The following C19orf18 variants were observed in gnomAD, a reference collection of about 807,000 sequenced individuals.
The protein encoded by C19orf18 is chromosome 19 open reading frame 18.
A neutral mutation model predicts 23.3 loss-of-function variants in C19orf18; 21 were observed. The observed-to-expected ratio is 0.90, with a 90% CI of 0.64 to 1.30. C19orf18 has a LOEUF of 1.30. C19orf18 is among the 50% of genes most tolerant of loss of function. The pLI is 0.00. For missense variants in C19orf18, 249 were observed against 259.6 expected (o/e 0.96, Z 0.28); for synonymous variants, 96 against 95.2 (o/e 1.01, Z -0.05).
chr19:57,968,260 C>A (rs999246216), intron 3 of C19orf18, among the ~76,000 whole-genome samples: 2 of 152,222 alleles, frequency 1.3e-5, no homozygotes, highest in Non-Finnish European at 2.9e-5. Context: ...GACCGCATCA[C>A]CTCCTAAAGG....
chr19:57,968,929 T>A (rs2072925680), intron 3 of C19orf18, among the ~76,000 whole-genome samples: 1 of 152,158 alleles, frequency 6.6e-6, no homozygotes, highest in South Asian at 2.1e-4. Context: ...TCTCCCTGCC[T>A]GCCCTAAATC....
intron 3 of C19orf18, among the ~76,000 whole-genome samples, chr19:57,968,712 G>C (rs983988649): frequency 2.6e-5 from 4 of 151,972 alleles, no homozygotes; most frequent in African/African-American, 9.7e-5. Flanking sequence ...GGAATTGCTG[G>C]GTGTATTTAT....
At position 57,974,207 on chromosome 19, in the gene C19orf18, G is replaced by C. The variant is rs746965760; in HGVS notation, c.122-4C>G. 5.0e-6 allele frequency: 8 copies of C among 1,613,604 alleles called. No individual in the cohort carries two copies. In the Admixed American group the frequency reaches 6.7e-5, roughly 13 times the overall value. On this transcript the variant is annotated splice_region_variant and splice_polypyrimidine_tract_variant and intron_variant, in intron 1 of 5. Coordinates refer to ENST00000314391, the MANE Select transcript of C19orf18 (RefSeq NM_152474.5). The stretch of plus-strand genomic sequence containing the variant: ...GGTGGTTGTGACCGTTTACTGCCTT[G>C]AAAAGAAAACTTTTTGCGGTGAAAT...
intron 3 of C19orf18, among the ~76,000 whole-genome samples, chr19:57,971,381 C>T (rs2072943547): frequency 6.6e-6 from 1 of 152,118 alleles, no homozygotes; most frequent in Non-Finnish European, 1.5e-5. Flanking sequence ...CCCAGACAAC[C>T]AGGGACATAC....
chr19:57,961,306 C>G, intron 5 of C19orf18, 85 bp downstream of exon 5: 1 of 1,309,002 alleles, frequency 7.6e-7, no homozygotes, highest in Non-Finnish European at 1.1e-6. Flanking sequence ...GAAATGCAAG[C>G]CACCGCTGAG....
intron 4 of C19orf18, among the ~76,000 whole-genome samples, 178 bp downstream of exon 4, chr19:57,966,352 A>G (rs186318442): frequency 2.0e-5 from 3 of 151,694 alleles, no homozygotes; most frequent in Admixed American, 2.0e-4. Flanking sequence ...TTTCATGTGT[A>G]TCATGCCTCA....
In C19orf18 at chr19:57,966,632, G is replaced by A; in HGVS notation, c.269C>T (p.Ala90Val). The stretch of plus-strand genomic sequence containing the variant: ...AAGAGCAGGTCTATGCCGAATTATT[G>A]CTAAAAAGAAAGAAAAGAAAAGAAG... ...TNPMKFLRNK[A>V]IIRHRPALVK... Residue 90 changes from alanine (A) to valine (V), a missense_variant and splice_region_variant, in exon 4 of 6, where the codon GCA becomes GTA. By Grantham distance (64) the Ala-to-Val change is moderately conservative. Coordinates refer to ENST00000314391, the MANE Select transcript of C19orf18 (RefSeq NM_152474.5). 1 of 1,600,468 alleles carries A rather than the reference G, an allele frequency of 6.2e-7. No individual in the cohort carries two copies.
chr19:57,960,380 C>G (rs899882924), intron 5 of C19orf18, among the ~76,000 whole-genome samples: 3 of 140,578 alleles, frequency 2.1e-5, no homozygotes, highest in Admixed American at 7.4e-5. Context: ...GAGCTGAGAT[C>G]ATGCCACTGC....
Position 57,972,409 on chromosome 19 carries a change from G to A in C19orf18, c.268+54C>T, listed in dbSNP as rs151312833. On this transcript the variant is annotated intron_variant, in intron 3 of 5. Transcript: ENST00000314391. ...AGCACCCTCTGGAGCCACACATCAC[G>A]ACAGCTTCAGGAATGTTGCGGGTCC... is the stretch of plus-strand genomic sequence containing the variant. 3.1e-5 allele frequency: 49 copies of A among 1,596,668 alleles called. No homozygotes were observed. The African/African-American group carries it at 3.2e-4, about 10-fold the overall frequency.
Position 57,972,446 on chromosome 19 carries a change from C to T in C19orf18, c.268+17G>A. The T allele has an allele frequency of 5.0e-6, 8 of 1,613,836 alleles. No individual in the cohort carries two copies. The highest frequency in any genetic ancestry group is 6.8e-6 in the Non-Finnish European group (8 of 1,179,798). ...AATGTTGCGGGTCCACCCGCCCTCC[C>T]AGATCCCTTGGCTTACCTTTATTCC... On this transcript the variant is annotated intron_variant, in intron 3 of 5. Transcript: ENST00000314391.
Position 57,961,481 on chromosome 19 carries a change from C to CT in C19orf18, c.441dup (p.Gly148ArgfsTer3). ...TCCTCTGAGCCCTCTTCTTCATCTC[C>CT]TAATAACGGTATCCTGAGGTTCTTA... is the stretch of plus-strand genomic sequence containing the variant. On this transcript the variant is annotated frameshift_variant, in exon 5 of 6. Transcript: ENST00000314391. LOFTEE classifies it high-confidence loss of function. 6.2e-7 allele frequency: 1 copy of CT among 1,614,180 alleles called. No homozygotes were observed. Among genetic ancestry groups the CT allele is most frequent in the Non-Finnish European group, 8.5e-7 (1 of 1,180,036 alleles).
At chr19:57,970,551 TCTTA>T (rs2072937482) in intron 3 of C19orf18, among the ~76,000 whole-genome samples, 1 of 152,136 alleles carries the variant, frequency 6.6e-6, no homozygotes, top group African/African-American at 2.4e-5. Flanking sequence ...AATGCACAAT[TCTTA>T]CTATGAGTAA....
At chr19:57,973,336 C>G (rs191082882) in intron 2 of C19orf18, among the ~76,000 whole-genome samples, 22 of 152,010 alleles carry the variant, frequency 1.4e-4, no homozygotes, top group African/African-American at 5.1e-4. Flanking sequence ...CAAAGGGTTG[C>G]TGAGCTTCAA....
chr19:57,967,904 C>T (rs1267643389), intron 3 of C19orf18, among the ~76,000 whole-genome samples: 2 of 152,008 alleles, frequency 1.3e-5, no homozygotes, highest in Non-Finnish European at 2.9e-5. Flanking sequence ...CCCAGCTACT[C>T]AGGAGGCTGA....
At chr19:57,965,372 T>G (rs1600205919) in intron 4 of C19orf18, among the ~76,000 whole-genome samples, 1 of 151,882 alleles carries the variant, frequency 6.6e-6, no homozygotes, top group South Asian at 2.1e-4. Flanking sequence ...TGACCTCAGG[T>G]GATGTACCCG....
intron 3 of C19orf18, among the ~76,000 whole-genome samples, chr19:57,972,257 C>T (rs1279803960): frequency 1.3e-5 from 2 of 152,220 alleles, no homozygotes; most frequent in African/African-American, 4.8e-5. Context: ...ACTACAACAT[C>T]AGCCCGTGGA....
At chr19:57,960,065 C>T (rs1400063736) in intron 5 of C19orf18, among the ~76,000 whole-genome samples, 3 of 148,552 alleles carry the variant, frequency 2.0e-5, no homozygotes, top group Non-Finnish European at 4.5e-5. Flanking sequence ...GCCAAGATTT[C>T]GCCACTGCAC....
chr19:57,969,037 C>T (rs1027589081), intron 3 of C19orf18, among the ~76,000 whole-genome samples: 3 of 152,150 alleles, frequency 2.0e-5, no homozygotes, highest in African/African-American at 7.2e-5. Flanking sequence ...ATGCCTCACC[C>T]ATTCCTTCCC....
chr19:57,973,904 T>C (rs1346348003), intron 2 of C19orf18, among the ~76,000 whole-genome samples, 195 bp downstream of exon 2: 1 of 151,292 alleles, frequency 6.6e-6, no homozygotes, highest in Non-Finnish European at 1.5e-5. Context: ...GAGAAGAAAG[T>C]GGCAATCCCT....
Sources: allele counts gnomAD v4.1 joint callset (sites outside exome capture counted in the v4.1 genomes callset), GRCh38; gene constraint gnomAD v4.1.1; transcripts MANE v1.5; gene names NCBI Gene and HGNC (gene_info 2026-07-23, HGNC 2026-07-21).